Variants in ITLN2 observed in about 807,000 individuals in gnomAD.
ITLN2 encodes intelectin-2.
ITLN2 carries 29 observed loss-of-function variants against 39.4 expected under a neutral mutation model. The ratio of observed to expected loss-of-function variants is 0.74; its 90% CI spans 0.55 to 1.00. The LOEUF (loss-of-function observed/expected upper bound fraction) is 1.00. ITLN2 is among the 50% of genes least tolerant of loss of function. The probability of loss-of-function intolerance (pLI) is 0.00; values close to 1 mark genes in which losing one functional copy is unlikely to be tolerated. For synonymous variants in ITLN2, 156 were observed against 153.4 expected, an observed-to-expected ratio of 1.02 and a Z score of -0.12; for missense variants, 412 against 416.7, an observed-to-expected ratio of 0.99 and a Z score of 0.10.
chr1:160,948,378 C>A (rs1259615201), intron 6 of ITLN2, among the ~76,000 whole-genome samples: 2 of 152,204 alleles, frequency 1.3e-5, no homozygotes, highest in East Asian at 3.8e-4. Flanking sequence ...TCAGATGTGG[C>A]TGCCTATTGC....
At chr1:160,951,872 C>A (rs185902532) in intron 3 of ITLN2, among the ~76,000 whole-genome samples, 4 of 152,356 alleles carry the variant, frequency 2.6e-5, no homozygotes, top group Admixed American at 6.5e-5. Context: ...TTCTCACCCC[C>A]CTTCCCATCT....
At chr1:160,946,960 A>G (rs1051760103) in intron 7 of ITLN2, among the ~76,000 whole-genome samples, 5 of 152,102 alleles carry the variant, frequency 3.3e-5, no homozygotes, top group African/African-American at 1.2e-4. Context: ...GGGATGAGAG[A>G]CTGAGAAAAG....
Position 160,948,004 on chromosome 1 carries a change from G to C in ITLN2, c.750C>G (p.Phe250Leu). The change falls in exon 7 of 8, where the codon TTC becomes TTG. Residue 250 changes from phenylalanine to leucine, a missense_variant. Phe to Leu is a conservative substitution (Grantham distance 22). Transcript: ENST00000368029. ...QREFVAGFVQ[F>L]RVFNNERAAN... ...CTGCTCTCTCGTTATTAAACACCCGGAACTGAACGAATCCTGCAACAAATT... is the reference window on the plus strand; with the variant it reads ...CTGCTCTCTCGTTATTAAACACCCGCAACTGAACGAATCCTGCAACAAATT... 6.2e-7 allele frequency: 1 copy of C among 1,614,046 alleles called. No homozygotes were observed. The highest frequency in any genetic ancestry group is 8.5e-7 in the Non-Finnish European group (1 of 1,180,002).
intron 6 of ITLN2, chr1:160,948,826 G>A (rs919713349): frequency 6.6e-6 from 1 of 152,074 alleles, no homozygotes; most frequent in Non-Finnish European, 1.5e-5. Context: ...AACTATTATT[G>A]AAGGGGTGGC....
chr1:160,945,324 A>C, intron 7 of ITLN2, 32 bp from the exon 8 acceptor site: 1 of 1,510,218 alleles, frequency 6.6e-7, no homozygotes, highest in South Asian at 1.3e-5. Context: ...CACTGTGAGG[A>C]ATTTGATTTG....
chr1:160,952,540 C>T, intron 3 of ITLN2, 80 bp downstream of exon 3: 1 of 949,526 alleles, frequency 1.1e-6, no homozygotes, highest in East Asian at 2.4e-5. Flanking sequence ...TGGATATGTC[C>T]CTCCTGATTT....
Position 160,945,061 on chromosome 1 carries a change from G to C in ITLN2, c.*79C>G, listed in dbSNP as rs1671567339. The C allele has an allele frequency of 6.0e-6, 8 of 1,328,530 alleles. No homozygotes were observed. The South Asian group carries it at 1.1e-4, about 19-fold the overall frequency. 82.3% of individuals were successfully genotyped at this position (1,328,530 alleles called of 1,614,324 possible). On this transcript the variant is annotated 3_prime_UTR_variant, in exon 8 of 8. Coordinates refer to ENST00000368029, the MANE Select transcript of ITLN2 (RefSeq NM_080878.3). ...TGTGATTTAGTCTCCTCTCCTCCTT[G>C]TTAGAATTCCAGTTTTTCCGTCTCC...
rs141174603 is a variant in ITLN2, at chr1:160,951,058, C to T, written c.426G>A (p.Thr142=). The T allele has an allele frequency of 9.0e-5, 146 of 1,614,218 alleles. No homozygotes were observed. In the African/African-American group the frequency reaches 9.6e-4, roughly 11 times the overall value. Residue 142 remains threonine, a synonymous_variant, in exon 4 of 8, where the codon ACG becomes ACA. Coordinates refer to ENST00000368029, the MANE Select transcript of ITLN2 (RefSeq NM_080878.3). ...YNTFGSAEAA[T]SDDYKNPGYY... is the part of the protein sequence containing the mutation. ...TGGCACCAACCTTGTAGTCATCGCT[C>T]GTGGCCGCCTCTGCAGATCCAAAGG...
At chr1:160,953,834 C>T (rs1479577370) in intron 2 of ITLN2, among the ~76,000 whole-genome samples, 1 of 152,132 alleles carries the variant, frequency 6.6e-6, no homozygotes, top group Non-Finnish European at 1.5e-5. Flanking sequence ...TTAATAACTT[C>T]TTTATACGCA....
rs375337380 is a variant in ITLN2 at position 160,950,608 on chromosome 1, C to T, written c.545G>A (p.Arg182His). The stretch of plus-strand genomic sequence containing the variant: ...TCTCTGGAGGAAGCCAGTGTTGGTG[C>T]GGTACCTCAGCAGGGCGCTGTTTCT... The part of the protein sequence containing the change: ...HWRNSALLRY[R>H]TNTGFLQRLG... The change falls in exon 5 of 8, where the codon CGC becomes CAC. Residue 182 changes from arginine (R) to histidine (H), a missense_variant. By Grantham distance (29) the Arg-to-His change is conservative. Coordinates refer to ENST00000368029, the MANE Select transcript of ITLN2 (RefSeq NM_080878.3). 210 of 1,614,100 alleles carry T rather than the reference C, an allele frequency of 1.3e-4. No individual in the cohort carries two copies. Among genetic ancestry groups the T allele is most frequent in the Non-Finnish European group, 1.6e-4 (190 of 1,180,042 alleles).
At position 160,950,066 on chromosome 1, in the gene ITLN2, T is replaced by C; in HGVS notation, c.701A>G (p.Tyr234Cys). 6.2e-7 allele frequency: 1 copy of C among 1,613,994 alleles called. No individual in the cohort carries two copies. Among genetic ancestry groups the C allele is most frequent in the Non-Finnish European group, 8.5e-7 (1 of 1,179,854 alleles). ...DFGDAKKTAS[Y>C]YSPYGQREFV... ...CTCACGTTGACCATACGGTGAGTAA[T>C]AAGATGCAGTCTTCTTAGCATCACC... Residue 234 changes from tyrosine (Y) to cysteine (C), a missense_variant, in exon 6 of 8, where the codon TAT (tyrosine) becomes TGT (cysteine). Tyr to Cys is a radical substitution (Grantham distance 194, BLOSUM62 -2). Transcript: ENST00000368029.
At chr1:160,953,571 T>A (rs907153820) in intron 2 of ITLN2, among the ~76,000 whole-genome samples, 3 of 152,002 alleles carry the variant, frequency 2.0e-5, no homozygotes, top group Non-Finnish European at 4.4e-5. Flanking sequence ...TTAGCTGGGG[T>A]GTGGTGGTGC....
chr1:160,948,234 T>C (rs1035429142), intron 6 of ITLN2, among the ~76,000 whole-genome samples: 10 of 152,130 alleles, frequency 6.6e-5, no homozygotes, highest in African/African-American at 2.2e-4. Flanking sequence ...GAAACCTCTG[T>C]TCATAGGGGG....
intron 2 of ITLN2, among the ~76,000 whole-genome samples, chr1:160,953,667 C>T (rs1019863706): frequency 4.0e-5 from 6 of 151,748 alleles, no homozygotes; most frequent in Admixed American, 2.6e-4. Flanking sequence ...GCCGACATCA[C>T]GCCACCGCAC....
rs552743886 is a variant in ITLN2 at position 160,953,452 on chromosome 1, C to T, written c.80-719G>A. 7.9e-5 allele frequency among the ~76,000 whole-genome samples: 12 copies of T among 152,218 alleles called. No homozygotes were observed. In the East Asian group the frequency reaches 1.3e-3, roughly 17 times the overall value. ...TCAGGCCAGGCACAGTGGCTCATGC[C>T]GGTAATCCCAGCACTTTCGGAGGCC... is the stretch of plus-strand genomic sequence containing the variant. On this transcript the variant is annotated intron_variant, in intron 2 of 7. Transcript: ENST00000368029.
intron 4 of ITLN2, 75 bp downstream of exon 4, chr1:160,950,968 C>T: frequency 6.2e-7 from 1 of 1,611,262 alleles, no homozygotes; most frequent in Non-Finnish European, 8.5e-7. Flanking sequence ...CCTTCCAGCC[C>T]TCCCTCCTGC....
Position 160,945,244 on chromosome 1 carries a change from A to G in ITLN2, c.874T>C (p.Cys292Arg). The G allele has an allele frequency of 1.2e-6, 2 of 1,603,740 alleles. No homozygotes were observed. The highest frequency in any genetic ancestry group is 1.7e-6 in the Non-Finnish European group (2 of 1,177,432). Residue 292 changes from cysteine (C) to arginine (R), a missense_variant, in exon 8 of 8, where the codon TGT (cysteine) becomes CGT (arginine). By Grantham distance (180) the Cys-to-Arg change is radical (BLOSUM62 -3). Coordinates refer to ENST00000368029, the MANE Select transcript of ITLN2 (RefSeq NM_080878.3). ...GFFPQGKPRQCGDFSAFDWDG... is the reference protein window; with the variant it reads ...GFFPQGKPRQRGDFSAFDWDG... ...CAGTCAAAGGCGGAGAAGTCCCCAC[A>G]CTGACGGGGTTTGCCCTGTGGGAAG...
intron 1 of ITLN2, 55 bp from the exon 2 acceptor site, chr1:160,954,505 C>G: frequency 7.1e-7 from 1 of 1,413,750 alleles, no homozygotes; most frequent in Non-Finnish European, 9.8e-7. Context: ...TTGTCATCCT[C>G]TCGTTCTTAC....
chr1:160,951,020 A>C (rs577597511), intron 4 of ITLN2, 23 bp downstream of exon 4: 2 of 1,613,950 alleles, frequency 1.2e-6, no homozygotes, highest in South Asian at 2.2e-5. Context: ...CCCTCACCCA[A>C]GTAGGAGAGA....
Sources: gnomAD v4.1 joint callset for allele counts (sites outside exome capture counted in the v4.1 genomes callset) on GRCh38, gnomAD v4.1.1 for gene constraint, MANE v1.5 for transcripts, NCBI Gene and HGNC (gene_info 2026-07-23, HGNC 2026-07-21) for gene names.